STPG2: variants seen among roughly 807,000 people sequenced by gnomAD.
STPG2 encodes the protein sperm-tail PG-rich repeat-containing protein 2.
In STPG2, 56 loss-of-function variants were observed where a neutral mutation model predicts 54.2. The ratio of observed to expected loss-of-function variants is 1.03; its 90% CI spans 0.83 to 1.29. STPG2 has a LOEUF of 1.29. Ranked by LOEUF, STPG2 falls within the 50% of genes most tolerant of loss-of-function variation. The pLI, the probability that STPG2 is intolerant of heterozygous loss-of-function variation, is 0.00. For synonymous variants in STPG2, 200 were observed against 181.8 expected, an observed-to-expected ratio of 1.10 and a Z score of -0.81; for missense variants, 596 against 544.9, an observed-to-expected ratio of 1.09 and a Z score of -0.93.
chr4:97,951,566 T>C (rs1255585836), intron 7 of STPG2, among the ~76,000 whole-genome samples: 3 of 152,094 alleles, frequency 2.0e-5, no homozygotes, highest in South Asian at 2.1e-4. Context: ...AATTCAGTAA[T>C]TGGTGCATTC....
chr4:97,992,157 T>C (rs1490850930), intron 5 of STPG2, among the ~76,000 whole-genome samples: 1 of 152,164 alleles, frequency 6.6e-6, no homozygotes, highest in African/African-American at 2.4e-5. Flanking sequence ...GGGTTCTTGG[T>C]CATGAAGTCT....
chr4:97,717,752 T>C (rs1441233282), intron 9 of STPG2, among the ~76,000 whole-genome samples: 1 of 152,092 alleles, frequency 6.6e-6, no homozygotes, highest in African/African-American at 2.4e-5. Context: ...TCTGTGTGAA[T>C]TACAGGAACC....
intron 8 of STPG2, among the ~76,000 whole-genome samples, chr4:97,883,896 C>T (rs1730468718): frequency 6.6e-6 from 1 of 151,852 alleles, no homozygotes; most frequent in Non-Finnish European, 1.5e-5. Flanking sequence ...ATCAAAGAAC[C>T]TCAGAGAACA....
intron 10 of STPG2, among the ~76,000 whole-genome samples, chr4:97,602,769 C>T (rs990128728): frequency 6.6e-6 from 1 of 151,626 alleles, no homozygotes; most frequent in Non-Finnish European, 1.5e-5. Context: ...TTAGTCTGTA[C>T]AAGGATTCAT....
intron 4 of STPG2, among the ~76,000 whole-genome samples, chr4:97,468,595 A>T: frequency 6.6e-6 from 1 of 152,024 alleles, no homozygotes; most frequent in South Asian, 2.1e-4. Context: ...TTTTCAGAAG[A>T]AAAGATAGTT....
chr4:98,027,754 T>C (rs577733201), intron 5 of STPG2, among the ~76,000 whole-genome samples: 1 of 152,204 alleles, frequency 6.6e-6, no homozygotes, highest in African/African-American at 2.4e-5. Flanking sequence ...CCTCAGAGAA[T>C]AGGATGGCTC....
rs116249718 is a variant in STPG2, at chr4:97,653,248, G to C, written c.1320+59451C>G. On this transcript the variant is annotated intron_variant, in intron 10 of 10. Transcript: ENST00000295268. ...TATTAGGGAACCACGTAGCAGCACA[G>C]AATGAGAAAAGAAAGATAAATTAGT... Among the ~76,000 whole-genome samples, 1,026 of 152,068 alleles carry C rather than the reference G, an allele frequency of 6.7e-3. 5 individuals are homozygous for C. The highest frequency in any genetic ancestry group is 0.012 in the Non-Finnish European group (810 of 67,910).
At chr4:97,583,353 A>G (rs1034711119) in intron 10 of STPG2, among the ~76,000 whole-genome samples, 2 of 152,038 alleles carry the variant, frequency 1.3e-5, no homozygotes, top group Non-Finnish European at 2.9e-5. Flanking sequence ...TTACAATGCT[A>G]CACTAAAGTA....
downstream of STPG2, among the ~76,000 whole-genome samples, chr4:97,554,574 G>C (rs935452148): frequency 5.3e-5 from 8 of 151,940 alleles, no homozygotes; most frequent in African/African-American, 1.7e-4. Context: ...TAAGCTTCTT[G>C]TCTGTCTTAT....
chr4:98,093,383 G>C lies in STPG2; in HGVS notation c.612+12570C>G, dbSNP rs749378890. Among the ~76,000 whole-genome samples the C allele has an allele frequency of 2.3e-3, 347 of 152,196 alleles. 1 individual carries two copies. Among genetic ancestry groups the C allele is most frequent in the Non-Finnish European group, 3.5e-3 (236 of 68,008 alleles). On this transcript the variant is annotated intron_variant, in intron 5 of 10. Coordinates refer to ENST00000295268, the MANE Select transcript of STPG2 (RefSeq NM_174952.3). ...ATTAAGTAAATTCAAGGACAGTTAT[G>C]ATTTAAAAAACTCACATTGATTAAA...
At chr4:98,083,417 C>T (rs34273190) in intron 5 of STPG2, among the ~76,000 whole-genome samples, 60,166 of 151,866 alleles carry the variant, frequency 0.4, 12,151 homozygotes, top group Middle Eastern at 0.46. Context: ...GGAGCTTAAC[C>T]CTTTCATATA....
Position 97,576,486 on chromosome 4 carries a change from A to G in STPG2, c.1321-17369T>C, listed in dbSNP as rs188008678. Reference sequence around the variant, plus strand: ...ACACACTTAGACAAAGTTGACAAAAATAAGCAATGGGGAAAGGACTCCCTT... The same window carrying G: ...ACACACTTAGACAAAGTTGACAAAAGTAAGCAATGGGGAAAGGACTCCCTT... On this transcript the variant is annotated intron_variant, in intron 10 of 10. Transcript: ENST00000295268. 8.6e-3 allele frequency among the ~76,000 whole-genome samples: 1,294 copies of G among 151,052 alleles called. 13 individuals are homozygous for G. The highest frequency in any genetic ancestry group is 0.014 in the South Asian group (68 of 4,824).
intron 8 of STPG2, among the ~76,000 whole-genome samples, chr4:97,898,700 G>C (rs1346885670): frequency 6.6e-6 from 1 of 151,510 alleles, no homozygotes; most frequent in Non-Finnish European, 1.5e-5. Flanking sequence ...TTAATTATTA[G>C]ATTACAAACA....
intron 7 of STPG2, 91 bp downstream of exon 7, chr4:97,972,189 C>G (rs1048108206): frequency 2.3e-6 from 2 of 870,170 alleles, no homozygotes. Context: ...ATTTGACATC[C>G]TTTTCTATTA....
chr4:97,794,420 A>G (rs1211206809), intron 9 of STPG2, among the ~76,000 whole-genome samples: 1 of 152,112 alleles, frequency 6.6e-6, no homozygotes, highest in African/African-American at 2.4e-5. Flanking sequence ...TGCTACTAAA[A>G]TCAATTTTTA....
chr4:97,444,387 A>T (rs1444836757), intron 4 of STPG2, among the ~76,000 whole-genome samples: 1 of 152,168 alleles, frequency 6.6e-6, no homozygotes, highest in African/African-American at 2.4e-5. Context: ...CGCATAAAAA[A>T]GTTGTAAAAG....
chr4:97,682,744 T>G (rs1183523203), intron 10 of STPG2, among the ~76,000 whole-genome samples: 2 of 151,872 alleles, frequency 1.3e-5, no homozygotes, highest in Non-Finnish European at 3.0e-5. Flanking sequence ...AAACCTTAAG[T>G]AACTTGTCTA....
At chr4:97,699,823 G>A (rs1007625491) in intron 10 of STPG2, among the ~76,000 whole-genome samples, 4 of 152,196 alleles carry the variant, frequency 2.6e-5, no homozygotes, top group Non-Finnish European at 5.9e-5. Context: ...AGGAGACGAG[G>A]CAGTGTGGCA....
chr4:97,865,586 G>A lies in STPG2; in HGVS notation c.1045-24654C>T, dbSNP rs570981509. 3.3e-5 allele frequency among the ~76,000 whole-genome samples: 5 copies of A among 151,942 alleles called. No individual in the cohort carries two copies. In the South Asian group the frequency reaches 6.2e-4, roughly 19 times the overall value. On this transcript the variant is annotated intron_variant, in intron 8 of 10. Transcript: ENST00000295268. Reference sequence around the variant, plus strand: ...CATTTGACCCAGCCATCCCATTACTGGGTGTATACCCAGGACAAAAAACCA... The same window carrying A: ...CATTTGACCCAGCCATCCCATTACTAGGTGTATACCCAGGACAAAAAACCA...
Sources: allele counts gnomAD v4.1 joint callset (sites outside exome capture counted in the v4.1 genomes callset), GRCh38; gene constraint gnomAD v4.1.1; transcripts MANE v1.5; gene names NCBI Gene and HGNC (gene_info 2026-07-23, HGNC 2026-07-21).